Variants in EXO1 observed in about 807,000 individuals in gnomAD.
The protein encoded by EXO1 is exonuclease 1.
Under a neutral mutation model 84.5 loss-of-function variants are expected in EXO1, and 69 were observed. The ratio of observed to expected loss-of-function variants is 0.82; its 90% CI spans 0.67 to 1.00. EXO1 has a LOEUF of 1.00. Among genes scored for constraint, EXO1 ranks in the 50% least tolerant of loss-of-function variants. The pLI is 0.00. For synonymous variants in EXO1, 373 were observed against 366.1 expected, an observed-to-expected ratio of 1.02 and a Z score of -0.21; for missense variants, 1,045 against 1,000.7, an observed-to-expected ratio of 1.04 and a Z score of -0.60.
At position 241,853,437 on chromosome 1, in the gene EXO1, C is replaced by G. The variant is rs374873745; in HGVS notation, c.361C>G (p.Arg121Gly). 1.2e-6 allele frequency: 2 copies of G among 1,613,776 alleles called. No homozygotes were observed. Among genetic ancestry groups the G allele is most frequent in the South Asian group, 1.1e-5 (1 of 91,080 alleles). The change falls in exon 6 of 16, where the codon CGG becomes GGG. Residue 121 changes from arginine to glycine, a missense_variant. Coordinates refer to ENST00000366548, the MANE Select transcript of EXO1 (RefSeq NM_130398.4). ...KVSEARECFT[R>G]SINITHAMAH... Reference sequence around the variant, plus strand: ...CTCGGAAGCTCGAGAGTGTTTCACCCGGTCTATCAATATCACACATGCCAT... The same window carrying G: ...CTCGGAAGCTCGAGAGTGTTTCACCGGGTCTATCAATATCACACATGCCAT...
chr1:241,859,444 A>C (rs1395851006), intron 8 of EXO1, among the ~76,000 whole-genome samples: 1 of 152,192 alleles, frequency 6.6e-6, no homozygotes, highest in East Asian at 1.9e-4. Context: ...AGTACACAAA[A>C]TAATTAAAAA....
Position 241,850,405 on chromosome 1 carries a change from T to G in EXO1, c.-17-4T>G. On this transcript the variant is annotated splice_polypyrimidine_tract_variant and splice_region_variant and intron_variant, in intron 3 of 15. Transcript: ENST00000366548. ...ACTGTTCTCCCTGTCTCTTTTCATA[T>G]CAGGTAGTTAATTTGGCACCATGGG... The G allele has an allele frequency of 1.3e-6, 2 of 1,591,606 alleles. No individual in the cohort carries two copies. Among genetic ancestry groups the G allele is most frequent in the Non-Finnish European group, 1.7e-6 (2 of 1,159,534 alleles).
intron 10 of EXO1, among the ~76,000 whole-genome samples, chr1:241,866,306 G>T (rs1318239465): frequency 1.3e-5 from 2 of 152,080 alleles, no homozygotes; most frequent in African/African-American, 4.8e-5. Context: ...TAGTGGCAGG[G>T]TTTCACCATG....
chr1:241,877,194 G>A (rs1239900103), intron 12 of EXO1, among the ~76,000 whole-genome samples: 2 of 152,136 alleles, frequency 1.3e-5, no homozygotes, highest in African/African-American at 4.8e-5. Context: ...TATCTTTCGA[G>A]ATCTGGAAAT....
chr1:241,856,465 T>C (rs1274114671), intron 6 of EXO1, among the ~76,000 whole-genome samples: 1 of 152,126 alleles, frequency 6.6e-6, no homozygotes, highest in Non-Finnish European at 1.5e-5. Context: ...GCCTATAATA[T>C]ATATGTAAGA....
At chr1:241,855,481 C>T (rs1660939996) in intron 6 of EXO1, among the ~76,000 whole-genome samples, 1 of 152,230 alleles carries the variant, frequency 6.6e-6, no homozygotes, top group South Asian at 2.1e-4. Flanking sequence ...TAAAGATTCT[C>T]CAAGGCCCCA....
chr1:241,861,409 T>A lies in EXO1; in HGVS notation c.948T>A (p.Tyr316Ter). ...TTCCTTAATCTTGCTAATCTAGATA[T>A]GTTGATGATTCCATAGCTCTTCAAA... ...DPETLSYAGQ[Y>*]VDDSIALQIA... Residue 316 changes from tyrosine (Y) to a stop codon, truncating the protein, a stop_gained, in exon 10 of 16, where the codon TAT becomes TAA. Transcript: ENST00000366548. LOFTEE classifies it high-confidence loss of function. 7.0e-7 allele frequency: 1 copy of A among 1,435,232 alleles called. No individual in the cohort carries two copies. The highest frequency in any genetic ancestry group is 1.1e-5 in the South Asian group (1 of 87,530). The allele number at this position is 1,435,232 out of a possible 1,614,324, so 88.9% of individuals were successfully genotyped here. A position where few individuals can be genotyped will look rare whatever the true frequency, so the allele number is the denominator to read the frequency against.
At chr1:241,856,810 C>T (rs1166968737) in intron 6 of EXO1, among the ~76,000 whole-genome samples, 1 of 152,174 alleles carries the variant, frequency 6.6e-6, no homozygotes, top group Non-Finnish European at 1.5e-5. Flanking sequence ...GCGAGTGGAT[C>T]ACTTGAGTCC....
At chr1:241,855,968 C>G (rs367870379) in intron 6 of EXO1, among the ~76,000 whole-genome samples, 1 of 152,314 alleles carries the variant, frequency 6.6e-6, no homozygotes, top group South Asian at 2.1e-4. Flanking sequence ...TCCCTCCACA[C>G]CTCCCTGTAA....
intron 4 of EXO1, among the ~76,000 whole-genome samples, chr1:241,850,995 C>T (rs777126564): frequency 2.6e-5 from 4 of 151,878 alleles, no homozygotes; most frequent in Non-Finnish European, 5.9e-5. Flanking sequence ...CCACCATACC[C>T]GGCTAATTTT....
intron 12 of EXO1, among the ~76,000 whole-genome samples, chr1:241,874,763 A>G (rs1048123862): frequency 9.2e-5 from 14 of 152,356 alleles, no homozygotes; most frequent in Middle Eastern, 3.4e-3. Flanking sequence ...AAAGGATTAA[A>G]TGAGTTACTA....
chr1:241,885,433 G>A lies in EXO1; in HGVS notation c.2331G>A (p.Lys777=), dbSNP rs1380947623. ...AGCCGGCAAGCATCCAGAAGAGAAAGCATCATAATGCCGAGAACAAGCCGG... is the reference window on the plus strand; with the variant it reads ...AGCCGGCAAGCATCCAGAAGAGAAAACATCATAATGCCGAGAACAAGCCGG... The part of the protein sequence containing the change: ...SKKPASIQKR[K]HHNAENKPGL... Residue 777 remains lysine, a synonymous_variant, in exon 15 of 16, where the codon AAG becomes AAA. Transcript: ENST00000366548. 6.2e-6 allele frequency: 10 copies of A among 1,613,744 alleles called. No individual in the cohort carries two copies. The highest frequency in any genetic ancestry group is 1.7e-5 in the Admixed American group (1 of 59,996).
chr1:241,858,845 A>T, intron 8 of EXO1, 127 bp downstream of exon 8: 1 of 747,970 alleles, frequency 1.3e-6, no homozygotes, highest in Non-Finnish European at 2.3e-6. Context: ...AAAAGGAGCA[A>T]ATGACTGAGG....
rs374770182 is a variant in EXO1 at position 241,879,054 on chromosome 1, G to A, written c.1820G>A (p.Ser607Asn). 6.2e-6 allele frequency: 10 copies of A among 1,614,104 alleles called. No individual in the cohort carries two copies. In the African/African-American group the frequency reaches 1.3e-4, roughly 22 times the overall value. Residue 607 changes from serine (S) to asparagine (N), a missense_variant, in exon 13 of 16, where the codon AGT becomes AAT. Physicochemically the swap from Ser to Asn is conservative, Grantham distance 46. Coordinates refer to ENST00000366548, the MANE Select transcript of EXO1 (RefSeq NM_130398.4). ...ISPPTLGTLR[S>N]CFSWSGGLGD... ...CCACCCACTTTGGGAACACTAAGAA[G>A]TTGTTTTAGTTGGTCTGGAGGTCTT...
In EXO1 at chr1:241,889,757, G is replaced by C; in HGVS notation, c.*157G>C. 1.4e-6 allele frequency: 1 copy of C among 722,496 alleles called. No individual in the cohort carries two copies. Among genetic ancestry groups the C allele is most frequent in the South Asian group, 1.7e-5 (1 of 60,504 alleles). The allele number at this position is 722,496 out of a possible 1,614,324, so 44.8% of individuals were successfully genotyped here. A position where few individuals can be genotyped will look rare whatever the true frequency, so the allele number is the denominator to read the frequency against. On this transcript the variant is annotated 3_prime_UTR_variant, in exon 16 of 16. Coordinates refer to ENST00000366548, the MANE Select transcript of EXO1 (RefSeq NM_130398.4). ...TGTATATTAACTTTATAATTGGGTTGTGGTTTTTTTGCTCAGCTTTTTATA... is the reference window on the plus strand; with the variant it reads ...TGTATATTAACTTTATAATTGGGTTCTGGTTTTTTTGCTCAGCTTTTTATA...
Position 241,861,436 on chromosome 1 carries a change from A to G in EXO1, c.975A>G (p.Ile325Met). 1.3e-6 allele frequency: 2 copies of G among 1,573,084 alleles called. No homozygotes were observed. Among genetic ancestry groups the G allele is most frequent in the Non-Finnish European group, 1.8e-6 (2 of 1,142,596 alleles). The change falls in exon 10 of 16, where the codon ATA becomes ATG. Residue 325 changes from isoleucine to methionine, a missense_variant. Coordinates refer to ENST00000366548, the MANE Select transcript of EXO1 (RefSeq NM_130398.4). ...TTGATGATTCCATAGCTCTTCAAAT[A>G]GCACTTGGAAATAAAGATATAAATA... is the stretch of plus-strand genomic sequence containing the variant. Reference protein sequence around the residue: ...QYVDDSIALQIALGNKDINTF... With the variant: ...QYVDDSIALQMALGNKDINTF...
chr1:241,878,994 C>A lies in EXO1; in HGVS notation c.1760C>A (p.Ser587Tyr). 1.2e-6 allele frequency: 2 copies of A among 1,614,136 alleles called. No homozygotes were observed. The highest frequency in any genetic ancestry group is 1.7e-6 in the Non-Finnish European group (2 of 1,179,996). ...GTGTTTACAGATGAAGAGTCCTACT[C>A]TTTTGAGAGCAGCAAATTTACAAGG... is the stretch of plus-strand genomic sequence containing the variant. ...ATVFTDEESYSFESSKFTRTI... is the reference protein window; with the variant it reads ...ATVFTDEESYYFESSKFTRTI... The change falls in exon 13 of 16, where the codon TCT becomes TAT. Residue 587 changes from serine to tyrosine, a missense_variant. Physicochemically the swap from Ser to Tyr is moderately radical, Grantham distance 144. Coordinates refer to ENST00000366548, the MANE Select transcript of EXO1 (RefSeq NM_130398.4).
At chr1:241,862,097 C>G (rs1661429259) in intron 10 of EXO1, among the ~76,000 whole-genome samples, 1 of 152,112 alleles carries the variant, frequency 6.6e-6, no homozygotes, top group Admixed American at 6.5e-5. Context: ...CACCACCACG[C>G]CCGGCTAATT....
intron 3 of EXO1, among the ~76,000 whole-genome samples, chr1:241,849,662 GT>G (rs1012263022): frequency 6.6e-6 from 1 of 152,164 alleles, no homozygotes; most frequent in Non-Finnish European, 1.5e-5. Context: ...TTTTTCCTTT[GT>G]TTTTTAATTG....
Sources: allele counts gnomAD v4.1 joint callset (sites outside exome capture counted in the v4.1 genomes callset), GRCh38; gene constraint gnomAD v4.1.1; transcripts MANE v1.5; gene names NCBI Gene and HGNC (gene_info 2026-07-23, HGNC 2026-07-21).